The following PRR12 variants were observed in gnomAD, a reference collection of about 807,000 sequenced individuals.
PRR12 encodes the protein proline-rich protein 12.
Under a neutral mutation model 138.0 loss-of-function variants are expected in PRR12, and 12 were observed. The observed-to-expected ratio is 0.09, with a 90% CI of 0.06 to 0.14. The LOEUF (loss-of-function observed/expected upper bound fraction) is 0.14, where lower values mean the gene tolerates loss of function less well. Ranked by LOEUF, PRR12 falls within the 10% of genes least tolerant of loss-of-function variation. PRR12 has a pLI of 1.00. For synonymous variants in PRR12, 1,567 were observed against 1,291.7 expected (o/e 1.21, Z -4.57); for missense variants, 2,692 against 2,861.3 (o/e 0.94, Z 1.35).
chr19:49,613,382 T>C (rs1007729346), intron 6 of PRR12, among the ~76,000 whole-genome samples: 4 of 151,778 alleles, frequency 2.6e-5, no homozygotes, highest in African/African-American at 9.7e-5. Context: ...GCTTCTGTAG[T>C]GTCCAGGGAA....
intron 10 of PRR12, 22 bp downstream of exon 10, chr19:49,620,499 AG>A (rs372317811): frequency 0.028 from 27,595 of 998,580 alleles, 47 homozygotes; most frequent in East Asian, 0.12. Flanking sequence ...CCTGGGGAGG[AG>A]GGGGGGGGGC....
chr19:49,609,834 G>C (rs1006414328), intron 6 of PRR12, among the ~76,000 whole-genome samples: 4 of 152,144 alleles, frequency 2.6e-5, no homozygotes, highest in African/African-American at 9.7e-5. Flanking sequence ...TGCTGATGAA[G>C]ACATTAGGCT....
At chr19:49,598,631 T>G (rs1286487253) in intron 4 of PRR12, among the ~76,000 whole-genome samples, 1 of 152,052 alleles carries the variant, frequency 6.6e-6, no homozygotes, top group African/African-American at 2.4e-5. Flanking sequence ...ACCAGCCTGG[T>G]CAGCGTAGTG....
intron 5 of PRR12, among the ~76,000 whole-genome samples, chr19:49,600,426 A>T (rs2080803657): frequency 6.7e-6 from 1 of 149,880 alleles, no homozygotes; most frequent in Non-Finnish European, 1.5e-5. Context: ...TCAGAAACAG[A>T]GGCATTGGGA....
rs993162781 is a variant in PRR12, at chr19:49,615,136, A to G, written c.5024+127A>G. On this transcript the variant is annotated intron_variant, in intron 8 of 13. Transcript: ENST00000418929. ...GAGAGAGGAGACAGAGCCCAGAGAG[A>G]GAGGGGGACAGAGACCCGGAGAGAA... 14 of 1,342,768 alleles carry G rather than the reference A, an allele frequency of 1.0e-5. No individual in the cohort carries two copies. In the African/African-American group the frequency reaches 2.1e-4, roughly 20 times the overall value. 83.2% of individuals were successfully genotyped at this position (1,342,768 alleles called of 1,614,324 possible).
chr19:49,595,700 G>C lies in PRR12; in HGVS notation c.1365G>C (p.Gln455His), dbSNP rs768937902. ...PGQPQGLLGP[Q>H]AYGQGFGGGQ... is the part of the protein sequence containing the mutation. The stretch of plus-strand genomic sequence containing the variant: ...AGCCTCAAGGGCTTCTGGGACCCCA[G>C]GCCTACGGGCAAGGGTTTGGAGGGG... The change falls in exon 4 of 14, where the codon CAG becomes CAC. Residue 455 changes from glutamine to histidine, a missense_variant. This residue lies in a region of PRR12 where 523 missense variants were observed against 496.4 expected (regional missense o/e 1.05). Coordinates refer to ENST00000418929, the MANE Select transcript of PRR12 (RefSeq NM_020719.3). The C allele has an allele frequency of 6.3e-6, 10 of 1,592,200 alleles. No individual in the cohort carries two copies. Among genetic ancestry groups the C allele is most frequent in the Non-Finnish European group, 8.5e-6 (10 of 1,169,944 alleles).
chr19:49,623,827 G>A (rs2080938663), intron 11 of PRR12, among the ~76,000 whole-genome samples: 3 of 148,976 alleles, frequency 2.0e-5, no homozygotes, highest in Admixed American at 2.0e-4. Flanking sequence ...GGAATTCTGG[G>A]ATAGCTGGTT....
At position 49,598,021 on chromosome 19, in the gene PRR12, G is replaced by A. The variant is rs767300983; in HGVS notation, c.3678+8G>A. 8 of 1,358,618 alleles carry A rather than the reference G, an allele frequency of 5.9e-6. No individual in the cohort carries two copies. Among genetic ancestry groups the A allele is most frequent in the Admixed American group, 3.7e-5 (1 of 26,988 alleles). The allele number at this position is 1,358,618 out of a possible 1,614,324, so 84.2% of individuals were successfully genotyped here. A position where few individuals can be genotyped will look rare whatever the true frequency, so the allele number is the denominator to read the frequency against. On this transcript the variant is annotated splice_region_variant and intron_variant, in intron 4 of 13. Coordinates refer to ENST00000418929, the MANE Select transcript of PRR12 (RefSeq NM_020719.3). Reference sequence around the variant, plus strand: ...CCCCTGAAGCCACTTAAGGTGAGGGGAAATGGGGTCTTGTAGGGGATAGGG... The same window carrying A: ...CCCCTGAAGCCACTTAAGGTGAGGGAAAATGGGGTCTTGTAGGGGATAGGG...
intron 4 of PRR12, 124 bp downstream of exon 4, chr19:49,598,137 G>T: frequency 9.1e-7 from 1 of 1,104,772 alleles, no homozygotes; most frequent in Non-Finnish European, 1.1e-6. Flanking sequence ...GCAGTGGCAC[G>T]ATCTCGGTTC....
chr19:49,614,444 T>C lies in PRR12; in HGVS notation c.4774-89T>C. On this transcript the variant is annotated intron_variant, in intron 6 of 13. Coordinates refer to ENST00000418929, the MANE Select transcript of PRR12 (RefSeq NM_020719.3). The surrounding 1 kb of genome is among the most constrained non-coding windows in gnomAD (Gnocchi z 5.0). ...GTCTGCCTTTTCTCTAAGGGGATGG[T>C]GAGGGAAGCCAGTGGGCCAGGGCGT... is the stretch of plus-strand genomic sequence containing the variant. 1.2e-6 allele frequency: 1 copy of C among 852,540 alleles called. No homozygotes were observed. Among genetic ancestry groups the C allele is most frequent in the Non-Finnish European group, 1.8e-6 (1 of 564,424 alleles). 52.8% of individuals were successfully genotyped at this position (852,540 alleles called of 1,614,324 possible). A position where few individuals can be genotyped will look rare whatever the true frequency, so the allele number is the denominator to read the frequency against.
rs943019426 is a variant in PRR12 at position 49,597,455 on chromosome 19, A to G, written c.3120A>G (p.Pro1040=). ...IQSGPHQAAP[P]PPPPPPPPPA... is the part of the protein sequence containing the mutation. ...GTGGCCCCCACCAGGCGGCGCCACC[A>G]CCCCCGCCTCCGCCACCGCCGCCTC... Residue 1040 remains proline, a synonymous_variant, in exon 4 of 14, where the codon CCA becomes CCG. Coordinates refer to ENST00000418929, the MANE Select transcript of PRR12 (RefSeq NM_020719.3). The surrounding 1 kb of genome is among the most constrained non-coding windows in gnomAD (Gnocchi z 6.3). 1.9e-6 allele frequency: 3 copies of G among 1,539,590 alleles called. No individual in the cohort carries two copies. The highest frequency in any genetic ancestry group is 2.5e-5 in the East Asian group (1 of 40,774).
intron 6 of PRR12, among the ~76,000 whole-genome samples, chr19:49,609,415 A>G (rs554440923): frequency 6.6e-6 from 1 of 152,202 alleles, no homozygotes; most frequent in Admixed American, 6.6e-5. Context: ...AGCCTGGACA[A>G]CATGGTGCAA....
At position 49,625,823 on chromosome 19, in the gene PRR12, G is replaced by A. The variant is rs1044651864; in HGVS notation, c.*216G>A. 4.1e-6 allele frequency: 2 copies of A among 491,538 alleles called. No individual in the cohort carries two copies. Among genetic ancestry groups the A allele is most frequent in the African/African-American group, 4.0e-5 (2 of 50,588 alleles). 30.4% of individuals were successfully genotyped at this position (491,538 alleles called of 1,614,324 possible). On this transcript the variant is annotated 3_prime_UTR_variant, in exon 14 of 14. Coordinates refer to ENST00000418929, the MANE Select transcript of PRR12 (RefSeq NM_020719.3). This position sits in a 1 kb window ranked among gnomAD's most constrained non-coding sequence, Gnocchi z 5.5. The stretch of plus-strand genomic sequence containing the variant: ...CCCTCCCCATTCCTCCCACTGTTCG[G>A]TGTACAGAGAAATTATTTATATATA...
chr19:49,601,407 A>G (rs891843413), intron 5 of PRR12, 84 bp from the exon 6 acceptor site: 7 of 762,272 alleles, frequency 9.2e-6, no homozygotes, highest in African/African-American at 1.8e-5. Context: ...GGCTTTTGGT[A>G]TAGAAAGCAG....
intron 6 of PRR12, among the ~76,000 whole-genome samples, chr19:49,605,473 G>C (rs1236498007): frequency 3.9e-5 from 6 of 152,022 alleles, no homozygotes; most frequent in Non-Finnish European, 8.8e-5. Flanking sequence ...TGTTGGCCAG[G>C]CTGCTCTCGA....
chr19:49,593,805 C>G (rs1205671684), intron 2 of PRR12, among the ~76,000 whole-genome samples: 1 of 152,116 alleles, frequency 6.6e-6, no homozygotes, highest in Non-Finnish European at 1.5e-5. Context: ...TCCTGATTCC[C>G]TTTCTTCCTG....
At chr19:49,615,426 C>G (rs148145102) in intron 8 of PRR12, among the ~76,000 whole-genome samples, 78 of 142,506 alleles carry the variant, frequency 5.5e-4, no homozygotes, top group African/African-American at 1.8e-3. Flanking sequence ...CTGGGGTGGA[C>G]AGAGACCCAG....
In PRR12 at chr19:49,620,449, C is replaced by T. The variant is rs968024695; in HGVS notation, c.5595C>T (p.Asp1865=). Residue 1865 remains aspartate (D), a synonymous_variant, in exon 10 of 14, where the codon GAC becomes GAT. Transcript: ENST00000418929. ...TGGTGAGCACAGCACTTGACCCAGA[C>T]ATGATCCAGGCCCTGGAGGACACGC... ...EMLVSTALDP[D]MIQALEDTHD... 1 of 1,580,260 alleles carries T rather than the reference C, an allele frequency of 6.3e-7. No individual in the cohort carries two copies. Among genetic ancestry groups the T allele is most frequent in the African/African-American group, 1.3e-5 (1 of 74,088 alleles).
intron 11 of PRR12, among the ~76,000 whole-genome samples, chr19:49,622,936 G>T (rs868651095): frequency 0.11 from 10,671 of 96,984 alleles, 571 homozygotes; most frequent in Non-Finnish European, 0.14. Flanking sequence ...TATAGAGAGA[G>T]AGAGAGAGAG....
Sources: allele counts gnomAD v4.1 joint callset (sites outside exome capture counted in the v4.1 genomes callset), GRCh38; gene constraint gnomAD v4.1.1; regional missense constraint gnomAD v4.1.1; non-coding constraint Gnocchi (gnomAD v3.1); transcripts MANE v1.5; gene names NCBI Gene and HGNC (gene_info 2026-07-23, HGNC 2026-07-21).